PIERCE1: variants seen among roughly 807,000 people sequenced by gnomAD.
PIERCE1 encodes piercer of microtubule wall 1.
the PIERCE1 span, among the ~76,000 whole-genome samples, chr9:135,497,173 C>T: frequency 1.3e-5 from 2 of 152,146 alleles, no homozygotes; most frequent in African/African-American, 4.8e-5. Flanking sequence ...CGGCATCCAC[C>T]CTTGGTCACG....
chr9:135,498,644 C>T, the PIERCE1 span: 110 of 1,614,026 alleles, frequency 6.8e-5, 1 homozygote, highest in East Asian at 2.3e-3. The surrounding 1 kb of genome is among the most constrained non-coding windows in gnomAD (Gnocchi z 4.1). Flanking sequence ...GTCCTGTACA[C>T]GGAGACAGCC....
At chr9:135,495,300 G>A in the PIERCE1 span, 614 of 888,654 alleles carry the variant, frequency 6.9e-4, 1 homozygote, top group Admixed American at 3.1e-3. Flanking sequence ...CTCCGCAGAC[G>A]AATAATATTT....
the PIERCE1 span, among the ~76,000 whole-genome samples, chr9:135,496,568 C>G: frequency 2.6e-5 from 4 of 152,142 alleles, no homozygotes; most frequent in South Asian, 2.1e-4. Flanking sequence ...AGTTTTAGAT[C>G]TATAGAAAAA....
the PIERCE1 span, chr9:135,499,059 C>T: frequency 7.4e-6 from 2 of 270,782 alleles, no homozygotes; most frequent in Non-Finnish European, 1.4e-5. Flanking sequence ...TGAGCCCCCA[C>T]CCTCACTGAG....
chr9:135,495,261 C>A, the PIERCE1 span: 1 of 630,196 alleles, frequency 1.6e-6, no homozygotes, highest in Non-Finnish European at 2.7e-6. Context: ...AATGGCAGGA[C>A]TTCACGGCCC....
the PIERCE1 span, chr9:135,499,691 G>A: frequency 3.1e-6 from 5 of 1,606,780 alleles, no homozygotes; most frequent in Non-Finnish European, 2.5e-6. Flanking sequence ...AGGACCAGGC[G>A]GGCCCCAGCT....
At chr9:135,495,308 T>G in the PIERCE1 span, 1 of 957,734 alleles carries the variant, frequency 1.0e-6, no homozygotes, top group Non-Finnish European at 1.6e-6. Context: ...ACGAATAATA[T>G]TTTCAGGGAA....
At chr9:135,495,407 T>C in the PIERCE1 span, 4 of 1,609,634 alleles carry the variant, frequency 2.5e-6, no homozygotes, top group Non-Finnish European at 3.4e-6. Flanking sequence ...AGAGGACTCC[T>C]AGAGGGAGTT....
chr9:135,499,397 C>A, the PIERCE1 span: 1 of 625,142 alleles, frequency 1.6e-6, no homozygotes, highest in Non-Finnish European at 3.0e-6. Flanking sequence ...CTGCTGTGCT[C>A]ACGCCCCGCA....
the PIERCE1 span, among the ~76,000 whole-genome samples, chr9:135,497,296 G>A: frequency 1.3e-5 from 2 of 152,080 alleles, no homozygotes; most frequent in Non-Finnish European, 2.9e-5. Flanking sequence ...TCCCATCAGT[G>A]ACCTGAAGGC....
the PIERCE1 span, chr9:135,499,671 A>G: frequency 4.4e-6 from 7 of 1,600,260 alleles, no homozygotes; most frequent in East Asian, 1.6e-4. Flanking sequence ...GCTATCGAGC[A>G]GTGGACGCCA....
chr9:135,499,577 AGCGCGGGCCCCGGATG>A, the PIERCE1 span: 1 of 1,232,478 alleles, frequency 8.1e-7, no homozygotes, highest in Non-Finnish European at 1.2e-6. Context: ...GGGCGATGAC[AGCGCGGGCCCCGGATG>A]ACCACTCGAT....
the PIERCE1 span, among the ~76,000 whole-genome samples, chr9:135,496,692 ATACTT>A: frequency 6.6e-6 from 1 of 151,958 alleles, no homozygotes; most frequent in African/African-American, 2.4e-5. Flanking sequence ...GCCAGTGTTG[ATACTT>A]TATTAGTAAC....
chr9:135,495,516 C>T, the PIERCE1 span: 8 of 1,614,048 alleles, frequency 5.0e-6, no homozygotes, highest in South Asian at 6.6e-5. Context: ...GGGCCAGTCA[C>T]GATGCTTTTC....
chr9:135,495,458 T>C, the PIERCE1 span: 1 of 1,614,060 alleles, frequency 6.2e-7, no homozygotes, highest in Middle Eastern at 1.6e-4. Flanking sequence ...GTTGATGTTG[T>C]AACTGGGGTG....
the PIERCE1 span, among the ~76,000 whole-genome samples, chr9:135,497,576 C>T: frequency 6.6e-6 from 1 of 152,076 alleles, no homozygotes; most frequent in African/African-American, 2.4e-5. Context: ...CATGCCACCA[C>T]ACCCAGCTAA....
the PIERCE1 span, chr9:135,499,706 C>T: frequency 6.2e-7 from 1 of 1,608,010 alleles, no homozygotes; most frequent in Non-Finnish European, 8.5e-7. Flanking sequence ...CCAGCTTCCT[C>T]ACCTGTAGCC....
chr9:135,498,140 C>G, the PIERCE1 span, among the ~76,000 whole-genome samples: 2 of 152,192 alleles, frequency 1.3e-5, no homozygotes, highest in African/African-American at 4.8e-5. This position sits in a 1 kb window ranked among gnomAD's most constrained non-coding sequence, Gnocchi z 4.1. Context: ...TGCCCACCCA[C>G]AAGCTGTGCC....
the PIERCE1 span, among the ~76,000 whole-genome samples, chr9:135,496,661 TAGCACACTTTTTACGGTGG>T: frequency 1.3e-5 from 2 of 152,226 alleles, no homozygotes; most frequent in Non-Finnish European, 1.5e-5. Context: ...CGCACTTGTG[TAGCACACTTTTTACGGTGG>T]AGCCAGTGTT....
Sources: allele counts gnomAD v4.1 joint callset (sites outside exome capture counted in the v4.1 genomes callset), GRCh38; gene constraint gnomAD v4.1.1; non-coding constraint Gnocchi (gnomAD v3.1); transcripts MANE v1.5; gene names NCBI Gene and HGNC (gene_info 2026-07-23, HGNC 2026-07-21).